The following LBR variants were observed in gnomAD, a reference collection of about 807,000 sequenced individuals.
LBR encodes lamin B receptor, also known as delta(14)-sterol reductase LBR.
In LBR, 28 loss-of-function variants were observed where a neutral mutation model predicts 74.3. That is an observed-to-expected ratio of 0.38 (90% CI 0.28 to 0.52). The LOEUF (loss-of-function observed/expected upper bound fraction) is 0.52. Among genes scored for constraint, LBR ranks in the 20% least tolerant of loss-of-function variants. The probability of loss-of-function intolerance (pLI) is 0.89; values close to 1 mark genes in which losing one functional copy is unlikely to be tolerated. For synonymous variants in LBR, 228 were observed against 269.3 expected, an observed-to-expected ratio of 0.85 and a Z score of 1.50; for missense variants, 717 against 760.3, an observed-to-expected ratio of 0.94 and a Z score of 0.67.
chr1:225,420,195 A>T (rs2096125186), intron 3 of LBR, among the ~76,000 whole-genome samples: 1 of 151,924 alleles, frequency 6.6e-6, no homozygotes, highest in Non-Finnish European at 1.5e-5. Flanking sequence ...CTGTAATTCC[A>T]GCTACTTCGG....
intron 2 of LBR, among the ~76,000 whole-genome samples, chr1:225,423,418 C>A (rs182940977): frequency 1.4e-4 from 21 of 152,162 alleles, no homozygotes; most frequent in Admixed American, 1.2e-3. Flanking sequence ...AAAGCCCCCC[C>A]AGCCTGGCTC....
At chr1:225,408,379 T>C (rs552879015) in intron 10 of LBR, among the ~76,000 whole-genome samples, 13 of 152,186 alleles carry the variant, frequency 8.5e-5, no homozygotes, top group African/African-American at 2.6e-4. Context: ...GGTGACAAAT[T>C]GGTGGGAGCA....
chr1:225,404,982 A>G (rs950646988), intron 11 of LBR, among the ~76,000 whole-genome samples: 4 of 152,232 alleles, frequency 2.6e-5, no homozygotes, highest in Middle Eastern at 3.2e-3. Flanking sequence ...ACACTACTTT[A>G]ATCATCCACC....
chr1:225,418,166 T>G lies in LBR; in HGVS notation c.655A>C (p.Met219Leu). Reference sequence around the variant, plus strand: ...AAGAGGAACACAGGCAGGCCAAACATGATGAGAAACACACCTGCAAACAAT... The same window carrying G: ...AAGAGGAACACAGGCAGGCCAAACAGGATGAGAAACACACCTGCAAACAAT... The part of the protein sequence containing the change: ...FGGVPGVFLI[M>L]FGLPVFLFLL... The change falls in exon 6 of 14, where the codon ATG (methionine) becomes CTG (leucine). Residue 219 changes from methionine to leucine, a missense_variant. Transcript: ENST00000272163. 6.2e-7 allele frequency: 1 copy of G among 1,613,750 alleles called. No individual in the cohort carries two copies. Among genetic ancestry groups the G allele is most frequent in the Non-Finnish European group, 8.5e-7 (1 of 1,179,754 alleles).
intron 3 of LBR, among the ~76,000 whole-genome samples, chr1:225,420,648 T>A (rs1251624784): frequency 3.9e-5 from 6 of 152,046 alleles, no homozygotes; most frequent in Non-Finnish European, 5.9e-5. Flanking sequence ...AATGAAAGGA[T>A]AACAAAGTAT....
chr1:225,422,227 A>G lies in LBR; in HGVS notation c.216T>C (p.Pro72=). ...TTGATCGACTCCCTCGGCGTCTGGA[A>G]GGGGAACTGGAAGTTGAGCCACCTT... is the stretch of plus-strand genomic sequence containing the variant. The part of the protein sequence containing the change: ...QRKGGSTSSS[P]SRRRGSRSRS... Residue 72 remains proline, a synonymous_variant, in exon 3 of 14, where the codon CCT becomes CCC. Transcript: ENST00000272163. 6.2e-7 allele frequency: 1 copy of G among 1,613,938 alleles called. No individual in the cohort carries two copies. Among genetic ancestry groups the G allele is most frequent in the Non-Finnish European group, 8.5e-7 (1 of 1,180,028 alleles).
At chr1:225,426,480 C>G (rs189612564) in intron 1 of LBR, among the ~76,000 whole-genome samples, 4 of 152,204 alleles carry the variant, frequency 2.6e-5, no homozygotes, top group African/African-American at 4.8e-5. Flanking sequence ...CACGGAGACC[C>G]TCAGGTTTTT....
In LBR at chr1:225,424,093, A is replaced by G. The variant is rs370532559; in HGVS notation, c.-14-4T>C. ...CTTGGCATTTTCTATAATTAACCTGAATAGTTTTAAAGAAAAAAATTTGAG... is the reference window on the plus strand; with the variant it reads ...CTTGGCATTTTCTATAATTAACCTGGATAGTTTTAAAGAAAAAAATTTGAG... On this transcript the variant is annotated splice_polypyrimidine_tract_variant and splice_region_variant and intron_variant, in intron 1 of 13. Coordinates refer to ENST00000272163, the MANE Select transcript of LBR (RefSeq NM_002296.4). 21 of 1,612,230 alleles carry G rather than the reference A, an allele frequency of 1.3e-5. No homozygotes were observed. In the African/African-American group the frequency reaches 2.7e-4, roughly 20 times the overall value.
Position 225,401,771 on chromosome 1 carries a change from C to T in LBR, c.*1532G>A, listed in dbSNP as rs7406. On this transcript the variant is annotated 3_prime_UTR_variant, in exon 14 of 14. Transcript: ENST00000272163. ...GCAAAATAAAAAAACTGCTTGCACA[C>T]ATTAGCACTGATAAAACAATGACAA... The T allele has an allele frequency of 0.25, 38,443 of 152,100 alleles. 6,973 individuals carry two copies. Among genetic ancestry groups the T allele is most frequent in the African/African-American group, 0.51 (21,207 of 41,442 alleles). 9.4% of individuals were successfully genotyped at this position (152,100 alleles called of 1,614,324 possible).
At chr1:225,407,690 A>G (rs2096095197) in intron 10 of LBR, among the ~76,000 whole-genome samples, 1 of 152,220 alleles carries the variant, frequency 6.6e-6, no homozygotes, top group African/African-American at 2.4e-5. Flanking sequence ...TGATGTAGAA[A>G]TATTAGCCAG....
At chr1:225,422,918 A>G (rs1184264615) in intron 2 of LBR, among the ~76,000 whole-genome samples, 2 of 152,216 alleles carry the variant, frequency 1.3e-5, no homozygotes, top group Admixed American at 6.5e-5. Flanking sequence ...ATTATCCAAA[A>G]TTCAAATTTC....
intron 2 of LBR, 25 bp downstream of exon 2, chr1:225,423,886 T>C: frequency 3.1e-6 from 5 of 1,603,750 alleles, no homozygotes; most frequent in Non-Finnish European, 4.3e-6. Context: ...GTAAACACAC[T>C]CTGATAAACC....
rs772870100 is a variant in LBR, at chr1:225,412,591, C to T, written c.947G>A (p.Gly316Asp). The T allele has an allele frequency of 1.3e-5, 21 of 1,613,454 alleles. No homozygotes were observed. In the East Asian group the frequency reaches 4.5e-4, roughly 34 times the overall value. ...SAVIGTSLFQ[G>D]VEFHYVYSHF... Reference sequence around the variant, plus strand: ...ACTGTACACGTAATGAAACTCTACGCCCTGGAAGAGAGATGTTCCGATGAC... The same window carrying T: ...ACTGTACACGTAATGAAACTCTACGTCCTGGAAGAGAGATGTTCCGATGAC... Residue 316 changes from glycine (G) to aspartate (D), a missense_variant, in exon 8 of 14, where the codon GGC (glycine) becomes GAC (aspartate). Physicochemically the swap from Gly to Asp is moderately conservative, Grantham distance 94. Transcript: ENST00000272163.
At chr1:225,410,203 T>C (rs1169637735) in intron 10 of LBR, 88 bp downstream of exon 10, 5 of 1,595,802 alleles carry the variant, frequency 3.1e-6, no homozygotes, top group African/African-American at 1.3e-5. Context: ...CTCCCCTCAC[T>C]TTGTGTGCAA....
At position 225,418,184 on chromosome 1, in the gene LBR, C is replaced by T; in HGVS notation, c.641-4G>A. 6.2e-7 allele frequency: 1 copy of T among 1,612,408 alleles called. No individual in the cohort carries two copies. Among genetic ancestry groups the T allele is most frequent in the Non-Finnish European group, 8.5e-7 (1 of 1,178,842 alleles). ...CCAAACATGATGAGAAACACACCTG[C>T]AAACAATTCATGAACATTCGAGGCT... On this transcript the variant is annotated splice_region_variant and splice_polypyrimidine_tract_variant and intron_variant, in intron 5 of 13. Transcript: ENST00000272163.
intron 3 of LBR, among the ~76,000 whole-genome samples, chr1:225,420,020 T>C (rs1343404967): frequency 6.6e-6 from 1 of 152,176 alleles, no homozygotes; most frequent in African/African-American, 2.4e-5. Flanking sequence ...ATAAAATCTT[T>C]CATCTGGCCA....
intron 1 of LBR, among the ~76,000 whole-genome samples, chr1:225,424,544 G>A (rs1406456154): frequency 1.3e-5 from 2 of 152,158 alleles, no homozygotes; most frequent in African/African-American, 4.8e-5. Flanking sequence ...CAATTAACAT[G>A]ACTATAACCC....
intron 7 of LBR, chr1:225,414,215 C>G (rs2096112608): frequency 2.2e-6 from 1 of 447,118 alleles, no homozygotes; most frequent in Non-Finnish European, 4.5e-6. Context: ...GACGTTTTAT[C>G]ACATGACTGG....
upstream of LBR, among the ~76,000 whole-genome samples, chr1:225,428,332 C>T (rs981214945): frequency 5.3e-5 from 8 of 152,178 alleles, no homozygotes; most frequent in African/African-American, 1.2e-4. Flanking sequence ...TTATCTCAGC[C>T]GCCCAGGCGC....
Sources: gnomAD v4.1 joint callset for allele counts (sites outside exome capture counted in the v4.1 genomes callset) on GRCh38, gnomAD v4.1.1 for gene constraint, MANE v1.5 for transcripts, NCBI Gene and HGNC (gene_info 2026-07-23, HGNC 2026-07-21) for gene names.